Variants in CACNA1C observed in about 807,000 individuals in gnomAD.
CACNA1C encodes the protein voltage-dependent L-type calcium channel subunit alpha-1C.
A neutral mutation model predicts 229.0 loss-of-function variants in CACNA1C; 30 were observed. The ratio of observed to expected loss-of-function variants is 0.13; its 90% confidence interval spans 0.10 to 0.18. The LOEUF (loss-of-function observed/expected upper bound fraction) is 0.18, where lower values mean the gene tolerates loss of function less well. Among genes scored for constraint, CACNA1C ranks in the 10% least tolerant of loss-of-function variants. The pLI is 1.00. For synonymous variants in CACNA1C, 1,114 were observed against 1,132.5 expected, an observed-to-expected ratio of 0.98 and a Z score of 0.33; for missense variants, 1,658 against 2,845.0, an observed-to-expected ratio of 0.58 and a Z score of 9.49.
chr12:2,429,485 G>T lies in CACNA1C; in HGVS notation c.478-19491G>T, dbSNP rs761386016. Among the ~76,000 whole-genome samples the T allele has an allele frequency of 1.3e-3, 204 of 152,086 alleles. 1 individual carries two copies. The highest frequency in any genetic ancestry group is 1.5e-3 in the Non-Finnish European group (99 of 68,010). On this transcript the variant is annotated intron_variant, in intron 3 of 46. Coordinates refer to ENST00000399655, the MANE Select transcript of CACNA1C (RefSeq NM_000719.7). The stretch of plus-strand genomic sequence containing the variant: ...CTGGGGTTGGAGTCAGAAAACTTAG[G>T]TATAAGCCCAGTCTCCACCGTAGTC...
intron 3 of CACNA1C, among the ~76,000 whole-genome samples, chr12:2,164,005 G>T (rs186535691): frequency 3.9e-5 from 6 of 152,260 alleles, no homozygotes; most frequent in African/African-American, 1.4e-4. Flanking sequence ...CAAGCTGCCC[G>T]CCACCTTGCC....
intron 5 of CACNA1C, among the ~76,000 whole-genome samples, chr12:2,470,446 G>T (rs1334745054): frequency 6.6e-6 from 1 of 152,190 alleles, no homozygotes; most frequent in Non-Finnish European, 1.5e-5. Flanking sequence ...ATCCAGTGAG[G>T]CCAGCGTCCT....
intron 3 of CACNA1C, among the ~76,000 whole-genome samples, chr12:2,412,068 C>G (rs184726411): frequency 1.2e-3 from 187 of 152,184 alleles, no homozygotes; most frequent in African/African-American, 4.3e-3. Context: ...ACGCCCAAGC[C>G]CCCCCCATGC....
chr12:2,565,458 A>T (rs1311701999), intron 11 of CACNA1C, among the ~76,000 whole-genome samples: 1 of 138,636 alleles, frequency 7.2e-6, no homozygotes, highest in Non-Finnish European at 1.5e-5. Flanking sequence ...TGGGCGACAG[A>T]GCGAGACTCC....
At chr12:2,095,171 A>G (rs933310056) in intron 1 of CACNA1C, among the ~76,000 whole-genome samples, 8 of 152,132 alleles carry the variant, frequency 5.3e-5, no homozygotes, top group Non-Finnish European at 1.0e-4. Context: ...AATTCACTCA[A>G]TGTGCTTGCA....
In CACNA1C at chr12:2,053,466, C is replaced by T; in HGVS notation, c.-97C>T. The T allele has an allele frequency of 8.8e-6, 13 of 1,484,340 alleles. No homozygotes were observed. The highest frequency in any genetic ancestry group is 2.7e-5 in the East Asian group (1 of 37,372). The allele number at this position is 1,484,340 out of a possible 1,614,324, so 91.9% of individuals were successfully genotyped here. ...TCCTCGAATCTTGCGCGAAAGCCGC[C>T]GGCCTCGGAGGAGGGATTAATCCAG... On this transcript the variant is annotated 5_prime_UTR_variant, in exon 1 of 47. Transcript: ENST00000399655. The surrounding 1 kb of genome is among the most constrained non-coding windows in gnomAD (Gnocchi z 5.8).
chr12:2,325,384 G>A lies in CACNA1C; in HGVS notation c.478-123592G>A, dbSNP rs534372708. On this transcript the variant is annotated intron_variant, in intron 3 of 46. Transcript: ENST00000399655. The stretch of plus-strand genomic sequence containing the variant: ...AGCACCTTGTTTTCACAGAGGCAAC[G>A]TGTTTTAACAGAGGACTCCTGGAAC... Among the ~76,000 whole-genome samples the A allele has an allele frequency of 5.3e-5, 8 of 152,370 alleles. No individual in the cohort carries two copies. In the East Asian group the frequency reaches 7.7e-4, roughly 15 times the overall value.
intron 3 of CACNA1C, among the ~76,000 whole-genome samples, chr12:2,184,345 G>A (rs1173696051): frequency 1.3e-5 from 2 of 152,174 alleles, no homozygotes; most frequent in Admixed American, 6.5e-5. Context: ...CTGACTTCCC[G>A]ACCATACCCT....
intron 10 of CACNA1C, chr12:2,550,480 G>A: frequency 7.8e-7 from 1 of 1,280,122 alleles, no homozygotes; most frequent in Middle Eastern, 2.2e-4. Flanking sequence ...GCAGCCAGGT[G>A]AGAAGATGTT....
chr12:2,331,540 T>C (rs1388662336), intron 3 of CACNA1C, among the ~76,000 whole-genome samples: 1 of 152,192 alleles, frequency 6.6e-6, no homozygotes, highest in African/African-American at 2.4e-5. Flanking sequence ...TCCCGGATAA[T>C]TAGAGCATCA....
rs183312599 is a variant in CACNA1C at position 2,678,735 on chromosome 12, G to C, written c.5092-709G>C. ...GTGGCCTCAGGGACATGGCATGGTG[G>C]TGACACAACCCGACAAGACACCAGA... On this transcript the variant is annotated intron_variant, in intron 41 of 46. Transcript: ENST00000399655. This position sits in a 1 kb window ranked among gnomAD's most constrained non-coding sequence, Gnocchi z 4.1. 6.6e-6 allele frequency among the ~76,000 whole-genome samples: 1 copy of C among 152,176 alleles called. No individual in the cohort carries two copies. The highest frequency in any genetic ancestry group is 2.4e-5 in the African/African-American group (1 of 41,444).
At chr12:2,170,624 A>C (rs1384227146) in intron 3 of CACNA1C, among the ~76,000 whole-genome samples, 5 of 152,242 alleles carry the variant, frequency 3.3e-5, no homozygotes, top group Non-Finnish European at 1.5e-5. Context: ...GTTGAGGTGG[A>C]AGTCTCCTGG....
At chr12:2,363,024 GT>G (rs1042818506) in intron 3 of CACNA1C, among the ~76,000 whole-genome samples, 1 of 152,222 alleles carries the variant, frequency 6.6e-6, no homozygotes, top group African/African-American at 2.4e-5. Context: ...ATGGCCTGGG[GT>G]GAGTAGGTAT....
chr12:2,120,311 A>G lies in CACNA1C; in HGVS notation c.372-14A>G. 7 of 1,225,606 alleles carry G rather than the reference A, an allele frequency of 5.7e-6. No homozygotes were observed. The highest frequency in any genetic ancestry group is 8.5e-6 in the Non-Finnish European group (7 of 825,290). The allele number at this position is 1,225,606 out of a possible 1,614,324, so 75.9% of individuals were successfully genotyped here. On this transcript the variant is annotated splice_polypyrimidine_tract_variant and intron_variant, in intron 2 of 46. Coordinates refer to ENST00000399655, the MANE Select transcript of CACNA1C (RefSeq NM_000719.7). Reference sequence around the variant, plus strand: ...ACTTTCTGTGGCATTAACTTCCTTGACTCCCTTTCTCAGACCATTTGAAAT... The same window carrying G: ...ACTTTCTGTGGCATTAACTTCCTTGGCTCCCTTTCTCAGACCATTTGAAAT...
At chr12:2,341,175 G>T (rs906311869) in intron 3 of CACNA1C, among the ~76,000 whole-genome samples, 1 of 152,170 alleles carries the variant, frequency 6.6e-6, no homozygotes, top group African/African-American at 2.4e-5. Context: ...TGAGGGGAGT[G>T]CTGGGGCACT....
rs1437245202 is a variant in CACNA1C, at chr12:2,504,531, G to A, written c.1114-311G>A. 1 of 1,596,348 alleles carries A rather than the reference G, an allele frequency of 6.3e-7. No homozygotes were observed. The highest frequency in any genetic ancestry group is 8.6e-7 in the Non-Finnish European group (1 of 1,163,966). Reference sequence around the variant, plus strand: ...TCGTTCTAAATCTGGTTCTCGGTGTGTTGAGCGGGTAAGCTGACCGTTTCT... The same window carrying A: ...TCGTTCTAAATCTGGTTCTCGGTGTATTGAGCGGGTAAGCTGACCGTTTCT... On this transcript the variant is annotated intron_variant, in intron 7 of 46. Coordinates refer to ENST00000399655, the MANE Select transcript of CACNA1C (RefSeq NM_000719.7). This position sits in a 1 kb window ranked among gnomAD's most constrained non-coding sequence, Gnocchi z 6.8.
In CACNA1C at chr12:2,346,818, A is replaced by C. The variant is rs1567166850; in HGVS notation, c.478-102158A>C. On this transcript the variant is annotated intron_variant, in intron 3 of 46. Transcript: ENST00000399655. This position sits in a 1 kb window ranked among gnomAD's most constrained non-coding sequence, Gnocchi z 4.4. ...TAGCAGCATATACACAAATACATAC[A>C]AAGCAGTGTGTATGTGGCAATCATT... is the stretch of plus-strand genomic sequence containing the variant. Among the ~76,000 whole-genome samples the C allele has an allele frequency of 6.6e-6, 1 of 152,212 alleles. No homozygotes were observed. Among genetic ancestry groups the C allele is most frequent in the Non-Finnish European group, 1.5e-5 (1 of 68,034 alleles).
intron 8 of CACNA1C, among the ~76,000 whole-genome samples, chr12:2,506,412 A>AC (rs1309427893): frequency 6.6e-6 from 1 of 152,174 alleles, no homozygotes; most frequent in Non-Finnish European, 1.5e-5. Flanking sequence ...GGGTGGTTTC[A>AC]CCTTTTTAAA....
At chr12:2,362,139 C>T (rs1208727785) in intron 3 of CACNA1C, among the ~76,000 whole-genome samples, 2 of 152,192 alleles carry the variant, frequency 1.3e-5, no homozygotes, top group Non-Finnish European at 2.9e-5. Context: ...GGTATGTCCC[C>T]CTGGCCACAG....
Sources: allele counts gnomAD v4.1 joint callset (sites outside exome capture counted in the v4.1 genomes callset), GRCh38; gene constraint gnomAD v4.1.1; non-coding constraint Gnocchi (gnomAD v3.1); transcripts MANE v1.5; gene names NCBI Gene and HGNC (gene_info 2026-07-23, HGNC 2026-07-21).